Variants in SLC24A2 observed in about 807,000 individuals in gnomAD.
SLC24A2 encodes solute carrier family 24 member 2, also known as sodium/potassium/calcium exchanger 2.
Under a neutral mutation model 62.0 loss-of-function variants are expected in SLC24A2, and 36 were observed. That is an observed-to-expected ratio of 0.58 (90% CI 0.44 to 0.77). The LOEUF (loss-of-function observed/expected upper bound fraction) is 0.77. Among genes scored for constraint, SLC24A2 ranks in the 30% least tolerant of loss-of-function variants. The pLI is 0.00. For missense variants in SLC24A2, 846 were observed against 817.9 expected (o/e 1.03, Z -0.42); for synonymous variants, 358 against 294.0 (o/e 1.22, Z -2.23).
chr9:19,774,487 C>A (rs892865572), intron 2 of SLC24A2, among the ~76,000 whole-genome samples: 2 of 152,146 alleles, frequency 1.3e-5, no homozygotes, highest in Admixed American at 6.5e-5. Flanking sequence ...TATTCAATGT[C>A]TATTACGGGC....
intron 2 of SLC24A2, among the ~76,000 whole-genome samples, chr9:19,679,874 G>GTGTGTGTC (rs1427079174): frequency 6.8e-6 from 1 of 147,374 alleles, no homozygotes; most frequent in Admixed American, 6.8e-5. Context: ...GTGTGTGTGT[G>GTGTGTGTC]TGTGTGTGTC....
At chr9:20,282,012 T>C in the SLC24A2 span, among the ~76,000 whole-genome samples, 1 of 152,206 alleles carries the variant, frequency 6.6e-6, no homozygotes, top group Non-Finnish European at 1.5e-5. Context: ...TGGGACTCTG[T>C]GGGATTTTAA....
the SLC24A2 span, among the ~76,000 whole-genome samples, chr9:19,975,097 C>A: frequency 6.6e-6 from 1 of 152,136 alleles, no homozygotes; most frequent in African/African-American, 2.4e-5. Context: ...AATAACCAAT[C>A]TCAGCCAAGT....
the SLC24A2 span, among the ~76,000 whole-genome samples, chr9:19,872,028 C>G: frequency 6.6e-6 from 1 of 151,754 alleles, no homozygotes; most frequent in Non-Finnish European, 1.5e-5. Context: ...GGTGTATGGA[C>G]CAATTAATTT....
the SLC24A2 span, among the ~76,000 whole-genome samples, chr9:20,069,802 C>T: frequency 1.3e-5 from 2 of 152,092 alleles, no homozygotes; most frequent in South Asian, 4.1e-4. Flanking sequence ...TTTTATGTAA[C>T]CAAAGTTTTC....
the SLC24A2 span, among the ~76,000 whole-genome samples, chr9:20,251,844 T>C: frequency 1.3e-5 from 2 of 152,338 alleles, no homozygotes; most frequent in South Asian, 2.1e-4. Context: ...GCTTCCCTCA[T>C]GGACTCAAGA....
At chr9:20,053,377 T>A in the SLC24A2 span, among the ~76,000 whole-genome samples, 1 of 152,182 alleles carries the variant, frequency 6.6e-6, no homozygotes, top group African/African-American at 2.4e-5. Context: ...AGAGGGTAAC[T>A]TTTTGTCCAT....
At chr9:20,103,213 G>A in the SLC24A2 span, among the ~76,000 whole-genome samples, 9 of 152,218 alleles carry the variant, frequency 5.9e-5, no homozygotes, top group East Asian at 1.7e-3. Context: ...ACTGGGTGGA[G>A]CCCACCACAG....
chr9:19,527,956 T>G, intron 9 of SLC24A2, 93 bp downstream of exon 9: 1 of 789,462 alleles, frequency 1.3e-6, no homozygotes, highest in East Asian at 2.7e-5. Flanking sequence ...AATACTGTTG[T>G]GGCAGTTGCA....
the SLC24A2 span, among the ~76,000 whole-genome samples, chr9:20,122,257 C>T: frequency 6.6e-6 from 1 of 152,222 alleles, no homozygotes; most frequent in Admixed American, 6.5e-5. Flanking sequence ...TAAGCCCGCC[C>T]TTGTTTTGAG....
chr9:19,551,266 G>A (rs751708089), intron 7 of SLC24A2, among the ~76,000 whole-genome samples: 4 of 152,190 alleles, frequency 2.6e-5, no homozygotes, highest in Non-Finnish European at 5.9e-5. Context: ...TACAAGTCAA[G>A]CAAGACAGTG....
chr9:19,545,491 T>C (rs1834511158), intron 8 of SLC24A2, among the ~76,000 whole-genome samples: 1 of 152,114 alleles, frequency 6.6e-6, no homozygotes, highest in Non-Finnish European at 1.5e-5. Context: ...GTTGTCATCC[T>C]TGAGAAGAGG....
the SLC24A2 span, among the ~76,000 whole-genome samples, chr9:20,263,501 G>A: frequency 2.6e-5 from 4 of 151,910 alleles, no homozygotes; most frequent in African/African-American, 7.3e-5. Flanking sequence ...CTCCCACCTC[G>A]GCCCCCCAAA....
chr9:19,833,115 T>C, the SLC24A2 span, among the ~76,000 whole-genome samples: 3 of 152,274 alleles, frequency 2.0e-5, no homozygotes, highest in African/African-American at 2.4e-5. Flanking sequence ...GATGGCCGAA[T>C]AGGAACAGCT....
chr9:20,135,089 G>A, the SLC24A2 span, among the ~76,000 whole-genome samples: 5 of 152,094 alleles, frequency 3.3e-5, no homozygotes, highest in Non-Finnish European at 7.4e-5. Flanking sequence ...ATTGTGCTGG[G>A]TTCTGAGATC....
At chr9:19,719,736 A>G (rs1452789664) in intron 2 of SLC24A2, among the ~76,000 whole-genome samples, 2 of 152,202 alleles carry the variant, frequency 1.3e-5, no homozygotes, top group African/African-American at 4.8e-5. Context: ...AACTAGACAA[A>G]CTTCATATAA....
chr9:19,652,166 T>G (rs1157662329), intron 2 of SLC24A2, among the ~76,000 whole-genome samples: 1 of 152,190 alleles, frequency 6.6e-6, no homozygotes, highest in African/African-American at 2.4e-5. Flanking sequence ...ACTACTATAC[T>G]CTCATGTTTC....
At chr9:20,052,216 T>C in the SLC24A2 span, among the ~76,000 whole-genome samples, 2 of 152,196 alleles carry the variant, frequency 1.3e-5, no homozygotes, top group Non-Finnish European at 2.9e-5. Context: ...TCTTCTCTCA[T>C]CTCAGTAAAC....
At chr9:19,565,169 A>T (rs1835595586) in intron 7 of SLC24A2, among the ~76,000 whole-genome samples, 1 of 152,142 alleles carries the variant, frequency 6.6e-6, no homozygotes, top group Admixed American at 6.6e-5. Context: ...AGGAAGTCAA[A>T]TTGTCCCTGT....
Sources: allele counts gnomAD v4.1 joint callset (sites outside exome capture counted in the v4.1 genomes callset), GRCh38; gene constraint gnomAD v4.1.1; transcripts MANE v1.5; gene names NCBI Gene and HGNC (gene_info 2026-07-23, HGNC 2026-07-21).